UGT1A10: variants seen among roughly 807,000 people sequenced by gnomAD.
UGT1A10 encodes UDP glucuronosyltransferase family 1 member A10.
Under a neutral mutation model 45.8 loss-of-function variants are expected in UGT1A10, and 49 were observed. The observed-to-expected ratio is 1.07, with a 90% CI of 0.85 to 1.36. UGT1A10 has a LOEUF of 1.36. Ranked by LOEUF, UGT1A10 falls within the 40% of genes most tolerant of loss-of-function variation. The pLI, the probability that UGT1A10 is intolerant of heterozygous loss-of-function variation, is 0.00. For synonymous variants in UGT1A10, 284 were observed against 249.7 expected, an observed-to-expected ratio of 1.14 and a Z score of -1.29; for missense variants, 745 against 668.6, an observed-to-expected ratio of 1.11 and a Z score of -1.26.
In UGT1A10 at chr2:233,672,646, C is replaced by T. The variant is rs759809207; in HGVS notation, c.855+35269C>T. On this transcript the variant is annotated intron_variant, in intron 1 of 4. Coordinates refer to ENST00000344644, the MANE Select transcript of UGT1A10 (RefSeq NM_019075.4). ...AATAGCCTCTGAAATTCTCCAAACA[C>T]CTGTTACGGAGTATGATCTCTACAG... The T allele has an allele frequency of 9.3e-6, 15 of 1,613,778 alleles. No homozygotes were observed. In the African/African-American group the frequency reaches 9.3e-5, roughly 10 times the overall value.
intron 4 of UGT1A10, among the ~76,000 whole-genome samples, chr2:233,771,783 T>TCTCACTCCCTCCCTCC (rs1700380653): frequency 6.6e-6 from 1 of 151,556 alleles, no homozygotes; most frequent in Non-Finnish European, 1.5e-5. Context: ...TCCTTTCCTC[T>TCTCACTCCCTCCCTCC]CTCCCTCCCT....
chr2:233,755,370 G>C, intron 1 of UGT1A10: 2 of 359,040 alleles, frequency 5.6e-6, no homozygotes, highest in South Asian at 4.4e-5. Context: ...GCCGCCTGGA[G>C]GGCCGCCCCT....
At chr2:233,705,910 A>T (rs2075878510) in intron 1 of UGT1A10, among the ~76,000 whole-genome samples, 1 of 152,154 alleles carries the variant, frequency 6.6e-6, no homozygotes, top group South Asian at 2.1e-4. Flanking sequence ...CAAAATAGTG[A>T]AACTCCTTCT....
chr2:233,769,404 C>A lies in UGT1A10; in HGVS notation c.1295+965C>A. The A allele has an allele frequency of 8.2e-7, 1 of 1,225,146 alleles. No homozygotes were observed. The highest frequency in any genetic ancestry group is 1.2e-6 in the Non-Finnish European group (1 of 856,112). The allele number at this position is 1,225,146 out of a possible 1,614,324, so 75.9% of individuals were successfully genotyped here. ...ACAATAGATACTGTGTGCATATGTGCGTGTGCGTTTGTGCATGTGGCTGTG... is the reference window on the plus strand; with the variant it reads ...ACAATAGATACTGTGTGCATATGTGAGTGTGCGTTTGTGCATGTGGCTGTG... On this transcript the variant is annotated intron_variant, in intron 4 of 4. Transcript: ENST00000344644. The surrounding 1 kb of genome is among the most constrained non-coding windows in gnomAD (Gnocchi z 4.4).
chr2:233,761,113 G>T (rs72551345), intron 1 of UGT1A10: 1 of 1,614,106 alleles, frequency 6.2e-7, no homozygotes, highest in South Asian at 1.1e-5. Flanking sequence ...GGTTTTTGTT[G>T]GTGGAATCAA....
chr2:233,742,633 C>A (rs1280681642), intron 1 of UGT1A10: 1 of 152,070 alleles, frequency 6.6e-6, no homozygotes, highest in African/African-American at 2.4e-5. Context: ...TGAAGACAGT[C>A]CTAGTATACC....
chr2:233,639,864 T>C (rs1299506779), intron 1 of UGT1A10, among the ~76,000 whole-genome samples: 1 of 152,240 alleles, frequency 6.6e-6, no homozygotes, highest in Non-Finnish European at 1.5e-5. Context: ...GTGTGTTGAT[T>C]AGTGATGTGT....
At chr2:233,658,299 G>A (rs1200089291) in intron 1 of UGT1A10, among the ~76,000 whole-genome samples, 4 of 152,180 alleles carry the variant, frequency 2.6e-5, no homozygotes, top group Non-Finnish European at 5.9e-5. Context: ...GATTACAGGT[G>A]TGAGCAATGG....
intron 1 of UGT1A10, among the ~76,000 whole-genome samples, chr2:233,676,719 G>A (rs1484423630): frequency 2.0e-5 from 3 of 152,136 alleles, no homozygotes; most frequent in African/African-American, 7.2e-5. Context: ...GTCAGTGTGT[G>A]TTTTGCCTGA....
chr2:233,640,656 G>A lies in UGT1A10; in HGVS notation c.855+3279G>A, dbSNP rs987069966. Among the ~76,000 whole-genome samples, 3 of 152,114 alleles carry A rather than the reference G, an allele frequency of 2.0e-5. No individual in the cohort carries two copies. The South Asian group carries it at 6.2e-4, about 32-fold the overall frequency. ...GAGAGAACAGTCTCTTTTTTAGGCT[G>A]CAAATGCTGTTCTTCCATAGTCCAA... On this transcript the variant is annotated intron_variant, in intron 1 of 4. Transcript: ENST00000344644.
At chr2:233,713,442 A>G in intron 1 of UGT1A10, 1 of 1,614,102 alleles carries the variant, frequency 6.2e-7, no homozygotes, top group Non-Finnish European at 8.5e-7. Context: ...TGTGGTTCTA[A>G]CAGACCCCTT....
At chr2:233,726,846 T>A (rs970892928) in intron 1 of UGT1A10, among the ~76,000 whole-genome samples, 3 of 152,320 alleles carry the variant, frequency 2.0e-5, no homozygotes, top group Admixed American at 6.5e-5. Flanking sequence ...TTTTTGTTCC[T>A]TTTCTCCATA....
At chr2:233,746,224 T>C (rs977968303) in intron 1 of UGT1A10, among the ~76,000 whole-genome samples, 14 of 151,784 alleles carry the variant, frequency 9.2e-5, no homozygotes, top group Non-Finnish European at 5.9e-5. Flanking sequence ...CAAGGACAGA[T>C]ATGCAAACTG....
chr2:233,731,043 C>T (rs765332681), intron 1 of UGT1A10, among the ~76,000 whole-genome samples: 13 of 152,202 alleles, frequency 8.5e-5, no homozygotes, highest in East Asian at 1.9e-4. Context: ...TCATATTCAC[C>T]GAATGTGTAT....
At chr2:233,753,441 T>A (rs1695206490) in intron 1 of UGT1A10, 2 of 152,230 alleles carry the variant, frequency 1.3e-5, no homozygotes, top group African/African-American at 4.8e-5. Flanking sequence ...GTTAATGATG[T>A]GTTCAGGCCA....
intron 1 of UGT1A10, chr2:233,752,495 C>T (rs1266161924): frequency 6.6e-6 from 1 of 152,176 alleles, no homozygotes; most frequent in Non-Finnish European, 1.5e-5. Flanking sequence ...TGAGATGAGA[C>T]ATTTTAAAAA....
chr2:233,724,560 G>GCA (rs2077282425), intron 1 of UGT1A10, among the ~76,000 whole-genome samples: 1 of 129,456 alleles, frequency 7.7e-6, no homozygotes, highest in Non-Finnish European at 1.6e-5. Context: ...CATCCCAGAT[G>GCA]GGGCGGCGGG....
Position 233,648,750 on chromosome 2 carries a change from C to T in UGT1A10, c.855+11373C>T, listed in dbSNP as rs1335865148. On this transcript the variant is annotated intron_variant, in intron 1 of 4. Coordinates refer to ENST00000344644, the MANE Select transcript of UGT1A10 (RefSeq NM_019075.4). The stretch of plus-strand genomic sequence containing the variant: ...AAGTGCTGGAATTACAGGGGTGAGC[C>T]ACCACACCCAGCCTGGATGCCATGA... 8 of 618,026 alleles carry T rather than the reference C, an allele frequency of 1.3e-5. No individual in the cohort carries two copies. In the Admixed American group the frequency reaches 1.8e-4, roughly 14 times the overall value. The allele number at this position is 618,026 out of a possible 1,614,324, so 38.3% of individuals were successfully genotyped here.
chr2:233,738,648 G>A (rs1199292214), intron 1 of UGT1A10, among the ~76,000 whole-genome samples: 1 of 152,164 alleles, frequency 6.6e-6, no homozygotes, highest in African/African-American at 2.4e-5. Flanking sequence ...AGAGCTCTTT[G>A]GAACTACGAA....
Sources: allele counts gnomAD v4.1 joint callset (sites outside exome capture counted in the v4.1 genomes callset), GRCh38; gene constraint gnomAD v4.1.1; non-coding constraint Gnocchi (gnomAD v3.1); transcripts MANE v1.5; gene names NCBI Gene and HGNC (gene_info 2026-07-23, HGNC 2026-07-21).